HIVEP3: variants seen among roughly 807,000 people sequenced by gnomAD.
The protein encoded by HIVEP3 is HIVEP zinc finger 3.
A neutral mutation model predicts 152.8 loss-of-function variants in HIVEP3; 49 were observed. The observed-to-expected ratio is 0.32, with a 90% CI of 0.26 to 0.41. HIVEP3 has a LOEUF of 0.41. Among genes scored for constraint, HIVEP3 ranks in the 10% least tolerant of loss-of-function variants. The pLI, the probability that HIVEP3 is intolerant of heterozygous loss-of-function variation, is 1.00. For synonymous variants in HIVEP3, 1,269 were observed against 1,289.0 expected, an observed-to-expected ratio of 0.98 and a Z score of 0.33; for missense variants, 2,790 against 3,103.3, an observed-to-expected ratio of 0.90 and a Z score of 2.40.
At chr1:41,949,462 A>G (rs187893272) in intron 1 of HIVEP3, among the ~76,000 whole-genome samples, 1 of 152,380 alleles carries the variant, frequency 6.6e-6, no homozygotes, top group East Asian at 1.9e-4. Flanking sequence ...GAAGAGCTTT[A>G]GACTTTAGGC....
intron 1 of HIVEP3, among the ~76,000 whole-genome samples, chr1:41,796,741 A>G (rs1480565519): frequency 2.0e-5 from 3 of 152,226 alleles, no homozygotes; most frequent in Non-Finnish European, 4.4e-5. Flanking sequence ...TATACTTACT[A>G]AAAGAAAACA....
chr1:41,729,119 C>T (rs1646800790), intron 1 of HIVEP3, among the ~76,000 whole-genome samples: 4 of 152,332 alleles, frequency 2.6e-5, no homozygotes, highest in Middle Eastern at 6.8e-3. Context: ...CTACTGTCTC[C>T]GCCACCCTCA....
intron 1 of HIVEP3, among the ~76,000 whole-genome samples, chr1:41,710,098 G>C (rs1036243044): frequency 6.6e-6 from 1 of 152,282 alleles, no homozygotes; most frequent in South Asian, 2.1e-4. Context: ...AAGGCAGAGT[G>C]TTGGTCCAGC....
In HIVEP3 at chr1:41,583,754, G is replaced by A; in HGVS notation, c.1044C>T (p.His348=). 1 of 1,595,556 alleles carries A rather than the reference G, an allele frequency of 6.3e-7. No individual in the cohort carries two copies. Residue 348 remains histidine, a synonymous_variant, in exon 4 of 9, where the codon CAC becomes CAT. Transcript: ENST00000372583. This position sits in a 1 kb window ranked among gnomAD's most constrained non-coding sequence, Gnocchi z 6.9. ...TGTCTTCAGGTTTATGGCTCAGGGG[G>A]TGCTCAGATGAGGGTTCCACAAATG... is the stretch of plus-strand genomic sequence containing the variant. ...PPPFVEPSSE[H]PLSHKPEDTH... is the part of the protein sequence containing the mutation.
At chr1:41,752,488 A>G (rs952073122) in intron 1 of HIVEP3, among the ~76,000 whole-genome samples, 4 of 152,228 alleles carry the variant, frequency 2.6e-5, no homozygotes, top group African/African-American at 9.6e-5. Context: ...CATGGGGCAC[A>G]GGGGCTGGTG....
intron 1 of HIVEP3, among the ~76,000 whole-genome samples, chr1:41,750,729 C>T (rs974428375): frequency 3.1e-4 from 46 of 146,332 alleles, no homozygotes; most frequent in African/African-American, 1.0e-3. Context: ...ACACGCGTCT[C>T]GCTCTGTCGC....
At chr1:42,023,361 G>A (rs751049884) in intron 1 of HIVEP3, among the ~76,000 whole-genome samples, 8 of 152,046 alleles carry the variant, frequency 5.3e-5, no homozygotes, top group Non-Finnish European at 1.0e-4. Context: ...CCTTCCCTAC[G>A]CAGAGATCAT....
chr1:41,682,534 C>A (rs1264714301), intron 2 of HIVEP3, among the ~76,000 whole-genome samples: 1 of 152,174 alleles, frequency 6.6e-6, no homozygotes, highest in Admixed American at 6.5e-5. Flanking sequence ...TCTGCATTAG[C>A]TGCCTTACAG....
chr1:41,952,811 A>G lies in HIVEP3; in HGVS notation n.120-34287T>C, dbSNP rs150108542. ...TTATTCATATTACTGACACCCAAAGATCGTGTGATATAAAATATCATTTAT... is the reference window on the plus strand; with the variant it reads ...TTATTCATATTACTGACACCCAAAGGTCGTGTGATATAAAATATCATTTAT... On this transcript the variant is annotated intron_variant and non_coding_transcript_variant, in intron 1 of 3. Coordinates refer to the HIVEP3 transcript ENST00000489103. 4.7e-4 allele frequency among the ~76,000 whole-genome samples: 71 copies of G among 152,338 alleles called. 1 individual carries two copies. The highest frequency in any genetic ancestry group is 1.7e-3 in the African/African-American group (69 of 41,570).
intron 3 of HIVEP3, among the ~76,000 whole-genome samples, chr1:41,625,630 G>A (rs1210918672): frequency 6.6e-6 from 1 of 152,148 alleles, no homozygotes; most frequent in Non-Finnish European, 1.5e-5. Flanking sequence ...AGCTACTCAG[G>A]AAGCTGAGAT....
rs188257124 is a variant in HIVEP3 at position 41,677,801 on chromosome 1, C to T, written c.-721+23115G>A. Among the ~76,000 whole-genome samples the T allele has an allele frequency of 3.1e-3, 469 of 152,308 alleles. 1 individual carries two copies. Among genetic ancestry groups the T allele is most frequent in the African/African-American group, 0.011 (460 of 41,562 alleles). On this transcript the variant is annotated intron_variant, in intron 2 of 8. Coordinates refer to ENST00000372583, the MANE Select transcript of HIVEP3 (RefSeq NM_024503.5). ...CACATCGGGCGGTCAGGTGAGTCCG[C>T]AGGAACAACAGTTCTGGTGAGTGGT...
intron 2 of HIVEP3, among the ~76,000 whole-genome samples, chr1:41,668,389 G>A (rs1205418854): frequency 6.6e-6 from 1 of 152,248 alleles, no homozygotes; most frequent in Non-Finnish European, 1.5e-5. Flanking sequence ...CCACAGCAAA[G>A]GACTGTGGAA....
chr1:41,668,031 T>C (rs1053155566), intron 2 of HIVEP3, among the ~76,000 whole-genome samples: 1 of 151,884 alleles, frequency 6.6e-6, no homozygotes, highest in Non-Finnish European at 1.5e-5. Flanking sequence ...CAAAAAAGAG[T>C]TCTGGGAGTA....
intron 1 of HIVEP3, among the ~76,000 whole-genome samples, chr1:42,002,989 A>G (rs1645436983): frequency 6.6e-6 from 1 of 152,170 alleles, no homozygotes. Context: ...ATTATCTTTT[A>G]GAGATTTCTG....
chr1:41,838,667 C>T (rs1025570215), intron 1 of HIVEP3, among the ~76,000 whole-genome samples: 11 of 152,124 alleles, frequency 7.2e-5, no homozygotes, highest in African/African-American at 2.7e-4. Flanking sequence ...GCTTTGAATC[C>T]TACTCTCTAC....
In HIVEP3 at chr1:41,584,826, C is replaced by T; in HGVS notation, c.-29G>A. 1 of 1,469,224 alleles carries T rather than the reference C, an allele frequency of 6.8e-7. No individual in the cohort carries two copies. The highest frequency in any genetic ancestry group is 9.0e-7 in the Non-Finnish European group (1 of 1,105,428). 91.0% of individuals were successfully genotyped at this position (1,469,224 alleles called of 1,614,324 possible). On this transcript the variant is annotated 5_prime_UTR_variant, in exon 4 of 9. Transcript: ENST00000372583. The surrounding 1 kb of genome is among the most constrained non-coding windows in gnomAD (Gnocchi z 5.2). Reference sequence around the variant, plus strand: ...CTTCACAAAGACTTCAGATGCTATTCAGGGAGAGTCAGGGCGGGCTGCATT... The same window carrying T: ...CTTCACAAAGACTTCAGATGCTATTTAGGGAGAGTCAGGGCGGGCTGCATT...
At chr1:41,870,741 T>C (rs1408837388) in intron 1 of HIVEP3, among the ~76,000 whole-genome samples, 1 of 152,198 alleles carries the variant, frequency 6.6e-6, no homozygotes, top group Non-Finnish European at 1.5e-5. Flanking sequence ...TTACTCTCCC[T>C]GAGAGGACAG....
intron 1 of HIVEP3, among the ~76,000 whole-genome samples, chr1:41,735,052 G>T (rs980394528): frequency 7.9e-5 from 12 of 152,186 alleles, no homozygotes; most frequent in African/African-American, 2.7e-4. Flanking sequence ...CCAGTACCAT[G>T]ACTTTTTTCA....
chr1:41,716,168 G>C (rs951876343), intron 1 of HIVEP3, among the ~76,000 whole-genome samples: 3 of 152,226 alleles, frequency 2.0e-5, no homozygotes, highest in African/African-American at 4.8e-5. Context: ...CTACCAGCAA[G>C]GTGGGCAGGA....
Sources: allele counts gnomAD v4.1 joint callset (sites outside exome capture counted in the v4.1 genomes callset), GRCh38; gene constraint gnomAD v4.1.1; non-coding constraint Gnocchi (gnomAD v3.1); transcripts MANE v1.5; gene names NCBI Gene and HGNC (gene_info 2026-07-23, HGNC 2026-07-21).